Variants in TIAL1 observed in about 807,000 individuals in gnomAD.
The protein encoded by TIAL1 is nucleolysin TIAR.
Under a neutral mutation model 59.7 loss-of-function variants are expected in TIAL1, and 7 were observed. The ratio of observed to expected loss-of-function variants is 0.12; its 90% CI spans 0.07 to 0.22. TIAL1 has a LOEUF of 0.22. TIAL1 is among the 10% of genes least tolerant of loss of function. TIAL1 has a pLI of 1.00. For synonymous variants in TIAL1, 149 were observed against 146.3 expected (o/e 1.02, Z -0.13); for missense variants, 225 against 462.5 (o/e 0.49, Z 4.71).
Position 119,575,756 on chromosome 10 carries a change from C to T in TIAL1, c.1037G>A (p.Gly346Asp). The T allele has an allele frequency of 1.3e-6, 2 of 1,594,136 alleles. No homozygotes were observed. Among genetic ancestry groups the T allele is most frequent in the Non-Finnish European group, 1.7e-6 (2 of 1,171,874 alleles). Residue 346 changes from glycine (G) to aspartate (D), a missense_variant, in exon 12 of 12, where the codon GGT becomes GAT. By Grantham distance (94) the Gly-to-Asp change is moderately conservative. Coordinates refer to ENST00000436547, the MANE Select transcript of TIAL1 (RefSeq NM_003252.4). ...SPSAAWMGGFGAQPPQGQAPP... is the reference protein window; with the variant it reads ...SPSAAWMGGFDAQPPQGQAPP... ...AGCTTGTCCTTGGGGAGGCTGAGCA[C>T]CAAATCCACCCATCCAAGCAGCAGA...
chr10:119,583,961 G>A (rs1335680435), intron 2 of TIAL1, among the ~76,000 whole-genome samples: 2 of 152,160 alleles, frequency 1.3e-5, no homozygotes, highest in Admixed American at 1.3e-4. Context: ...AAATAAATAA[G>A]AGGCTAAAAT....
intron 2 of TIAL1, among the ~76,000 whole-genome samples, chr10:119,584,150 C>G (rs1433020560): frequency 6.6e-6 from 1 of 151,834 alleles, no homozygotes; most frequent in Non-Finnish European, 1.5e-5. Context: ...AATAGTAGGC[C>G]AGCTCCCAAT....
At chr10:119,591,500 T>C (rs1024651965) in intron 1 of TIAL1, among the ~76,000 whole-genome samples, 1 of 152,212 alleles carries the variant, frequency 6.6e-6, no homozygotes, top group Non-Finnish European at 1.5e-5. Context: ...GATATATTAA[T>C]TTACATTTCT....
At chr10:119,584,495 T>C (rs1034095451) in intron 2 of TIAL1, among the ~76,000 whole-genome samples, 1 of 152,108 alleles carries the variant, frequency 6.6e-6, no homozygotes, top group East Asian at 1.9e-4. Flanking sequence ...TTATACCCTC[T>C]GGAAGCTTCT....
chr10:119,588,536 G>A (rs1845688684), intron 1 of TIAL1, among the ~76,000 whole-genome samples: 1 of 152,080 alleles, frequency 6.6e-6, no homozygotes. Context: ...TAGAGACAGG[G>A]TTTCATCGTA....
In TIAL1 at chr10:119,582,706, T is replaced by C. The variant is rs1845358341; in HGVS notation, c.130-149A>G. Reference sequence around the variant, plus strand: ...AAAGCCTAACACTTTTTAAATAAGATTTAAAGCTAAACCTGACTTTGCACC... The same window carrying C: ...AAAGCCTAACACTTTTTAAATAAGACTTAAAGCTAAACCTGACTTTGCACC... On this transcript the variant is annotated intron_variant, in intron 2 of 11. Coordinates refer to ENST00000436547, the MANE Select transcript of TIAL1 (RefSeq NM_003252.4). This position sits in a 1 kb window ranked among gnomAD's most constrained non-coding sequence, Gnocchi z 5.1. The C allele has an allele frequency of 2.3e-6, 3 of 1,309,224 alleles. No homozygotes were observed. The highest frequency in any genetic ancestry group is 5.2e-5 in the East Asian group (2 of 38,834). The allele number at this position is 1,309,224 out of a possible 1,614,324, so 81.1% of individuals were successfully genotyped here.
At chr10:119,594,013 G>C (rs1250910277) in intron 1 of TIAL1, among the ~76,000 whole-genome samples, 2 of 151,536 alleles carry the variant, frequency 1.3e-5, no homozygotes, top group Non-Finnish European at 2.9e-5. Flanking sequence ...TTATGTTCCA[G>C]GCAGTGAACT....
chr10:119,595,456 G>A (rs1846119510), intron 1 of TIAL1, among the ~76,000 whole-genome samples: 1 of 148,872 alleles, frequency 6.7e-6, no homozygotes, highest in South Asian at 2.2e-4. Context: ...AAAAAAAGAT[G>A]CAGAGAAAAG....
chr10:119,576,835 C>T, intron 10 of TIAL1, 85 bp from the exon 11 acceptor site: 1 of 1,539,822 alleles, frequency 6.5e-7, no homozygotes, highest in Middle Eastern at 1.7e-4. Flanking sequence ...AAGAGAAAAA[C>T]TAAGTAAGCA....
rs1845362015 is a variant in TIAL1 at position 119,582,786 on chromosome 10, C to G, written c.130-229G>C. On this transcript the variant is annotated intron_variant, in intron 2 of 11. Transcript: ENST00000436547. This position sits in a 1 kb window ranked among gnomAD's most constrained non-coding sequence, Gnocchi z 5.1. ...ATAAAAGCAGTTGTAGAATCATGAG[C>G]ATCAGTATTAAATGAAAATAAAGAA... Among the ~76,000 whole-genome samples, 1 of 152,040 alleles carries G rather than the reference C, an allele frequency of 6.6e-6. No homozygotes were observed. The highest frequency in any genetic ancestry group is 2.1e-4 in the South Asian group (1 of 4,830).
rs1564737131 is a variant in TIAL1 at position 119,582,338 on chromosome 10, A to G, written c.229-115T>C. On this transcript the variant is annotated intron_variant, in intron 3 of 11. Transcript: ENST00000436547. This position sits in a 1 kb window ranked among gnomAD's most constrained non-coding sequence, Gnocchi z 5.1. Reference sequence around the variant, plus strand: ...TATTTTTGTAAAAGCACTAAGCTGAATAAAGCAAAACCATCACTCAGCAGC... The same window carrying G: ...TATTTTTGTAAAAGCACTAAGCTGAGTAAAGCAAAACCATCACTCAGCAGC... 9.5e-6 allele frequency: 14 copies of G among 1,477,462 alleles called. No homozygotes were observed. The highest frequency in any genetic ancestry group is 1.3e-5 in the Non-Finnish European group (14 of 1,100,866). 91.5% of individuals were successfully genotyped at this position (1,477,462 alleles called of 1,614,324 possible).
At chr10:119,584,844 C>T (rs556305324) in intron 2 of TIAL1, among the ~76,000 whole-genome samples, 1 of 151,380 alleles carries the variant, frequency 6.6e-6, no homozygotes, top group African/African-American at 2.4e-5. Context: ...AAAGTGCTCA[C>T]GCCTGTAACC....
Position 119,579,980 on chromosome 10 carries a change from A to C in TIAL1, c.402T>G (p.Thr134=), listed in dbSNP as rs1285881248. 3 of 1,611,424 alleles carry C rather than the reference A, an allele frequency of 1.9e-6. No individual in the cohort carries two copies. Among genetic ancestry groups the C allele is most frequent in the Non-Finnish European group, 8.5e-7 (1 of 1,178,856 alleles). ...CAAAACCATAGCCTTTGGATTTTCC[A>C]GTTGCCATGTCTTTAACTACCCGGG... ...SDARVVKDMA[T]GKSKGYGFVS... The change falls in exon 6 of 12, where the codon ACT becomes ACG. Residue 134 remains threonine (T), a synonymous_variant. Coordinates refer to ENST00000436547, the MANE Select transcript of TIAL1 (RefSeq NM_003252.4).
intron 11 of TIAL1, 45 bp downstream of exon 11, chr10:119,576,566 G>A: frequency 6.3e-7 from 1 of 1,596,524 alleles, no homozygotes; most frequent in Non-Finnish European, 8.5e-7. Context: ...TATTTATTTT[G>A]TCAGAACCAT....
At chr10:119,591,267 T>C (rs1845868947) in intron 1 of TIAL1, among the ~76,000 whole-genome samples, 1 of 152,060 alleles carries the variant, frequency 6.6e-6, no homozygotes, top group African/African-American at 2.4e-5. Context: ...TAGCCAGGCA[T>C]GGTGGCGGGC....
chr10:119,596,722 A>C lies in TIAL1; in HGVS notation c.-257T>G. 1.9e-6 allele frequency: 1 copy of C among 540,080 alleles called. No individual in the cohort carries two copies. Among genetic ancestry groups the C allele is most frequent in the Non-Finnish European group, 3.3e-6 (1 of 301,688 alleles). The allele number at this position is 540,080 out of a possible 1,614,324, so 33.5% of individuals were successfully genotyped here. ...GGAAACAGGGCAGAGCGCAGGCGCG[A>C]CCCGCCAGGTCACCGCTCAGGCCAG... On this transcript the variant is annotated 5_prime_UTR_variant, in exon 1 of 12. Transcript: ENST00000436547.
rs182694600 is a variant in TIAL1 at position 119,587,508 on chromosome 10, G to A, written c.129+644C>T. 6.1e-4 allele frequency among the ~76,000 whole-genome samples: 93 copies of A among 152,212 alleles called. 1 individual carries two copies. The East Asian group carries it at 0.017, about 27-fold the overall frequency. ...GAGCATTTATTATCCTACTTCCTAA[G>A]TGCCTGCTAACTCCTTTGTCTCCCT... On this transcript the variant is annotated intron_variant, in intron 2 of 11. Transcript: ENST00000436547.
chr10:119,581,303 A>G (rs1845295850), intron 5 of TIAL1, among the ~76,000 whole-genome samples: 1 of 152,018 alleles, frequency 6.6e-6, no homozygotes, highest in Non-Finnish European at 1.5e-5. Flanking sequence ...ATCAAACCAC[A>G]TTTGCCTCTT....
intron 2 of TIAL1, among the ~76,000 whole-genome samples, chr10:119,586,100 G>A (rs1437224637): frequency 6.6e-6 from 1 of 152,122 alleles, no homozygotes; most frequent in African/African-American, 2.4e-5. Context: ...TTCAGCACCG[G>A]TCTCTCTAGA....
Sources: gnomAD v4.1 joint callset for allele counts (sites outside exome capture counted in the v4.1 genomes callset) on GRCh38, gnomAD v4.1.1 for gene constraint, Gnocchi (gnomAD v3.1) non-coding constraint, MANE v1.5 for transcripts, NCBI Gene and HGNC (gene_info 2026-07-23, HGNC 2026-07-21) for gene names.